Variants in PRICKLE1 observed in about 807,000 individuals in gnomAD.
PRICKLE1 encodes prickle planar cell polarity protein 1.
A neutral mutation model predicts 70.2 loss-of-function variants in PRICKLE1; 14 were observed. That is an observed-to-expected ratio of 0.20 (90% CI 0.13 to 0.31). The LOEUF (loss-of-function observed/expected upper bound fraction) is 0.31. PRICKLE1 is among the 10% of genes least tolerant of loss of function. The probability of loss-of-function intolerance (pLI) is 1.00; values close to 1 mark genes in which losing one functional copy is unlikely to be tolerated. For missense variants in PRICKLE1, 821 were observed against 1,026.2 expected, an observed-to-expected ratio of 0.80 and a Z score of 2.73; for synonymous variants, 357 against 379.9, an observed-to-expected ratio of 0.94 and a Z score of 0.70.
chr12:42,537,336 A>AT (rs200907911), intron 1 of PRICKLE1, among the ~76,000 whole-genome samples: 2,661 of 151,906 alleles, frequency 0.018, 86 homozygotes, highest in African/African-American at 0.06. Flanking sequence ...TTTAAAAAAA[A>AT]ATTTTTTTTG....
At chr12:42,580,896 G>A (rs923462994) in intron 1 of PRICKLE1, among the ~76,000 whole-genome samples, 5 of 151,882 alleles carry the variant, frequency 3.3e-5, no homozygotes, top group African/African-American at 7.3e-5. Context: ...AAGGAAGGAC[G>A]GAAGGAAGGA....
intron 1 of PRICKLE1, among the ~76,000 whole-genome samples, chr12:42,561,280 T>A (rs1940508789): frequency 6.6e-6 from 1 of 152,190 alleles, no homozygotes; most frequent in African/African-American, 2.4e-5. Context: ...AATAACACAA[T>A]AGAAAAGTAG....
chr12:42,521,606 C>T (rs2600928), intron 1 of PRICKLE1, among the ~76,000 whole-genome samples: 48 of 152,008 alleles, frequency 3.2e-4, no homozygotes, highest in Admixed American at 5.9e-4. Context: ...AGGCTGAGGT[C>T]GGGGGGATCG....
chr12:42,535,477 G>C (rs1440040988), intron 1 of PRICKLE1, among the ~76,000 whole-genome samples: 1 of 152,144 alleles, frequency 6.6e-6, no homozygotes, highest in Non-Finnish European at 1.5e-5. Flanking sequence ...GTCAACAAAG[G>C]CCAGTGTTAG....
chr12:42,575,402 C>T (rs771812623), intron 1 of PRICKLE1, among the ~76,000 whole-genome samples: 11 of 152,048 alleles, frequency 7.2e-5, no homozygotes, highest in Non-Finnish European at 1.0e-4. Context: ...AATAGAAAGA[C>T]GTGCAATTTG....
At chr12:42,556,918 C>T (rs1346679904) in intron 1 of PRICKLE1, among the ~76,000 whole-genome samples, 3 of 152,114 alleles carry the variant, frequency 2.0e-5, no homozygotes, top group Non-Finnish European at 4.4e-5. Context: ...CACTGCCCTG[C>T]CTTCAGAGTT....
At chr12:42,472,337 A>G (rs1414221413) in intron 2 of PRICKLE1, 48 bp downstream of exon 2, 1 of 1,607,786 alleles carries the variant, frequency 6.2e-7, no homozygotes, top group Admixed American at 1.7e-5. Flanking sequence ...TAAAGTCTGA[A>G]CTCACACTGA....
At chr12:42,469,846 T>C (rs896619016) in intron 3 of PRICKLE1, 2 of 548,900 alleles carry the variant, frequency 3.6e-6, no homozygotes, top group Non-Finnish European at 6.5e-6. Flanking sequence ...TTAAAAAATA[T>C]ATATAGGACA....
chr12:42,459,509 T>G lies in PRICKLE1; in HGVS notation c.*300A>C. On this transcript the variant is annotated 3_prime_UTR_variant, in exon 8 of 8. Transcript: ENST00000345127. ...AAAATCAACATCCAATCCCCTTCAG[T>G]CAGCATCTTCAGTATTCCCTTGAGG... is the stretch of plus-strand genomic sequence containing the variant. The G allele has an allele frequency of 1.6e-6, 1 of 631,742 alleles. No individual in the cohort carries two copies. The highest frequency in any genetic ancestry group is 2.8e-6 in the Non-Finnish European group (1 of 354,108). 39.1% of individuals were successfully genotyped at this position (631,742 alleles called of 1,614,324 possible).
At chr12:42,545,989 A>C (rs1046849307) in intron 1 of PRICKLE1, among the ~76,000 whole-genome samples, 2 of 151,948 alleles carry the variant, frequency 1.3e-5, no homozygotes, top group East Asian at 3.8e-4. Context: ...TTTTTCAAGT[A>C]ATTTCTTAAT....
chr12:42,472,272 G>A, intron 2 of PRICKLE1, 113 bp downstream of exon 2: 1 of 1,160,062 alleles, frequency 8.6e-7, no homozygotes, highest in Admixed American at 1.9e-5. Context: ...AAGGACTGAG[G>A]AGGGTGGTAT....
At chr12:42,467,743 C>A (rs560107579) in intron 5 of PRICKLE1, among the ~76,000 whole-genome samples, 1 of 151,764 alleles carries the variant, frequency 6.6e-6, no homozygotes, top group Admixed American at 6.6e-5. Context: ...GCAACTCCAT[C>A]CCAAAAAAAT....
In PRICKLE1 at chr12:42,458,907, A is replaced by T. The variant is rs1937677825; in HGVS notation, c.*902T>A. The T allele has an allele frequency of 5.6e-6, 1 of 177,542 alleles. No homozygotes were observed. The highest frequency in any genetic ancestry group is 5.5e-5 in the Admixed American group (1 of 18,142). The allele number at this position is 177,542 out of a possible 1,614,324, so 11.0% of individuals were successfully genotyped here. ...CATAAGTAACACTTGTAAGATTAAT[A>T]GGGCCATAGTTTTAAAGAGTACTTA... is the stretch of plus-strand genomic sequence containing the variant. On this transcript the variant is annotated 3_prime_UTR_variant, in exon 8 of 8. Coordinates refer to ENST00000345127, the MANE Select transcript of PRICKLE1 (RefSeq NM_153026.3).
intron 1 of PRICKLE1, among the ~76,000 whole-genome samples, chr12:42,567,179 G>A (rs1023286780): frequency 6.6e-6 from 1 of 152,124 alleles, no homozygotes; most frequent in African/African-American, 2.4e-5. Flanking sequence ...CTCCTCGATG[G>A]ATACCATCTA....
At chr12:42,482,529 T>C (rs572910117) in intron 1 of PRICKLE1, among the ~76,000 whole-genome samples, 12 of 152,336 alleles carry the variant, frequency 7.9e-5, no homozygotes, top group Non-Finnish European at 1.6e-4. Flanking sequence ...TTGACTCCAA[T>C]GTACACACAG....
intron 1 of PRICKLE1, among the ~76,000 whole-genome samples, chr12:42,527,150 T>TTG (rs1939819337): frequency 1.0e-5 from 1 of 99,108 alleles, no homozygotes; most frequent in East Asian, 3.2e-4. Flanking sequence ...TTTTTTTTTT[T>TTG]GGGACGGAGT....
chr12:42,496,806 A>G (rs1433361778), intron 1 of PRICKLE1, among the ~76,000 whole-genome samples: 1 of 152,114 alleles, frequency 6.6e-6, no homozygotes, highest in African/African-American at 2.4e-5. Context: ...AGAATGGAAG[A>G]GAGTTAGGGC....
intron 1 of PRICKLE1, among the ~76,000 whole-genome samples, chr12:42,580,045 G>T (rs374049726): frequency 4.0e-5 from 6 of 150,166 alleles, no homozygotes; most frequent in Non-Finnish European, 8.9e-5. Flanking sequence ...CTAATTTTTT[G>T]TTTTTTTTTA....
At chr12:42,460,956 A>C (rs929566957) in intron 7 of PRICKLE1, among the ~76,000 whole-genome samples, 7 of 152,144 alleles carry the variant, frequency 4.6e-5, no homozygotes, top group Non-Finnish European at 1.0e-4. Context: ...ATCTCGGCAC[A>C]CCACAATCTC....
Sources: gnomAD v4.1 joint callset for allele counts (sites outside exome capture counted in the v4.1 genomes callset) on GRCh38, gnomAD v4.1.1 for gene constraint, MANE v1.5 for transcripts, NCBI Gene and HGNC (gene_info 2026-07-23, HGNC 2026-07-21) for gene names.